The following SDR16C5 variants were observed in gnomAD, a reference collection of about 807,000 sequenced individuals.
SDR16C5 encodes the protein epidermal retinol dehydrogenase 2.
A neutral mutation model predicts 27.7 loss-of-function variants in SDR16C5; 20 were observed. The observed-to-expected ratio is 0.72, with a 90% CI of 0.51 to 1.05. SDR16C5 has a LOEUF of 1.05. Ranked by LOEUF, SDR16C5 falls within the 50% of genes least tolerant of loss-of-function variation. The pLI, the probability that SDR16C5 is intolerant of heterozygous loss-of-function variation, is 0.00. For missense variants in SDR16C5, 374 were observed against 366.3 expected (o/e 1.02, Z -0.17); for synonymous variants, 139 against 132.3 (o/e 1.05, Z -0.35).
In SDR16C5 at chr8:56,319,562, C is replaced by A. The variant is rs527876183; in HGVS notation, c.-15+497G>T. Among the ~76,000 whole-genome samples, 5 of 152,304 alleles carry A rather than the reference C, an allele frequency of 3.3e-5. No homozygotes were observed. In the East Asian group the frequency reaches 5.8e-4, roughly 18 times the overall value. On this transcript the variant is annotated intron_variant, in intron 1 of 6. Coordinates refer to ENST00000303749, the MANE Select transcript of SDR16C5 (RefSeq NM_138969.4). The stretch of plus-strand genomic sequence containing the variant: ...CCTACCCAATCCAAACAGGCGCCCT[C>A]GGCTTCCCATACCAGTGCGCGGCAG...
At chr8:56,307,805 G>A (rs368613132) in intron 4 of SDR16C5, among the ~76,000 whole-genome samples, 80 of 152,288 alleles carry the variant, frequency 5.3e-4, no homozygotes, top group African/African-American at 1.5e-3. Flanking sequence ...CTGGCACCCC[G>A]GTGGTTCTGA....
At chr8:56,313,169 GTTC>G (rs927874741) in intron 2 of SDR16C5, among the ~76,000 whole-genome samples, 1 of 152,144 alleles carries the variant, frequency 6.6e-6, no homozygotes, top group Admixed American at 6.5e-5. Flanking sequence ...AGTTAGAGCT[GTTC>G]TTCTACTCAG....
chr8:56,313,081 A>G (rs1361573418), intron 2 of SDR16C5, among the ~76,000 whole-genome samples: 2 of 152,170 alleles, frequency 1.3e-5, no homozygotes, highest in Non-Finnish European at 2.9e-5. Flanking sequence ...TGACCTCCAG[A>G]GATCAAGTTT....
At chr8:56,318,759 T>C (rs373969757) in intron 1 of SDR16C5, among the ~76,000 whole-genome samples, 1 of 152,190 alleles carries the variant, frequency 6.6e-6, no homozygotes, top group Non-Finnish European at 1.5e-5. Flanking sequence ...ACCTAAAATA[T>C]GTCCATCTTT....
Position 56,316,160 on chromosome 8 carries a change from A to G in SDR16C5, c.188T>C (p.Leu63Pro). ...ATCCCAGAGAACAAGAACAGATCCC[A>G]GCCGGGCAAACTGCAAGGCTAAGAG... is the stretch of plus-strand genomic sequence containing the variant. ...GRLLALQFAR[L>P]GSVLVLWDIN... Residue 63 changes from leucine (L) to proline (P), a missense_variant, in exon 2 of 7, where the codon CTG becomes CCG. Physicochemically the swap from Leu to Pro is moderately conservative, Grantham distance 98. Coordinates refer to ENST00000303749, the MANE Select transcript of SDR16C5 (RefSeq NM_138969.4). 6.2e-7 allele frequency: 1 copy of G among 1,614,132 alleles called. No homozygotes were observed. Among genetic ancestry groups the G allele is most frequent in the Non-Finnish European group, 8.5e-7 (1 of 1,180,006 alleles).
chr8:56,303,833 C>T, intron 6 of SDR16C5: 1 of 619,660 alleles, frequency 1.6e-6, no homozygotes, highest in Non-Finnish European at 2.9e-6. Context: ...GCAAAAAGAA[C>T]TTAGTGTGTT....
chr8:56,303,869 C>G, intron 6 of SDR16C5: 1 of 674,786 alleles, frequency 1.5e-6, no homozygotes, highest in Non-Finnish European at 2.7e-6. Flanking sequence ...GCCCAATAAA[C>G]AGTGCATTAC....
chr8:56,312,049 A>C (rs531810312), intron 3 of SDR16C5, 108 bp downstream of exon 3: 1 of 920,486 alleles, frequency 1.1e-6, no homozygotes, highest in East Asian at 2.5e-5. Context: ...CAAAACTGAG[A>C]AGTCTCTGCT....
Position 56,309,026 on chromosome 8 carries a change from G to C in SDR16C5, c.467C>G (p.Thr156Ser). 1 of 1,594,694 alleles carries C rather than the reference G, an allele frequency of 6.3e-7. No individual in the cohort carries two copies. Among genetic ancestry groups the C allele is most frequent in the African/African-American group, 1.3e-5 (1 of 74,376 alleles). The change falls in exon 4 of 7, where the codon ACT (threonine) becomes AGT (serine). Residue 156 changes from threonine to serine, a missense_variant and splice_region_variant. Physicochemically the swap from Thr to Ser is moderately conservative, Grantham distance 58. Coordinates refer to ENST00000303749, the MANE Select transcript of SDR16C5 (RefSeq NM_138969.4). ...CATAGCAGGTAGAAAGGCTTTATAA[G>C]TCTAAGAATACAAAGGAAAACTTTT... is the stretch of plus-strand genomic sequence containing the variant. The part of the protein sequence containing the change: ...FDVNFKAHLW[T>S]YKAFLPAMIA...
At chr8:56,315,350 ATGTG>A (rs1281623652) in intron 2 of SDR16C5, among the ~76,000 whole-genome samples, 1 of 152,134 alleles carries the variant, frequency 6.6e-6, no homozygotes, top group East Asian at 1.9e-4. Context: ...TGAAAGCTTT[ATGTG>A]TGTATCTGTA....
Position 56,301,422 on chromosome 8 carries a change from T to C in SDR16C5, c.*58A>G, listed in dbSNP as rs934242224. 1 of 1,194,114 alleles carries C rather than the reference T, an allele frequency of 8.4e-7. No individual in the cohort carries two copies. The highest frequency in any genetic ancestry group is 2.3e-5 in the East Asian group (1 of 42,696). 74.0% of individuals were successfully genotyped at this position (1,194,114 alleles called of 1,614,324 possible). A position where few individuals can be genotyped will look rare whatever the true frequency, so the allele number is the denominator to read the frequency against. On this transcript the variant is annotated 3_prime_UTR_variant, in exon 7 of 7. Coordinates refer to ENST00000303749, the MANE Select transcript of SDR16C5 (RefSeq NM_138969.4). Reference sequence around the variant, plus strand: ...TGTCAGACAAAAATACTTTTCTTCATTGAAGTACGCATTATGTAACACTGT... The same window carrying C: ...TGTCAGACAAAAATACTTTTCTTCACTGAAGTACGCATTATGTAACACTGT...
intron 2 of SDR16C5, among the ~76,000 whole-genome samples, chr8:56,312,598 G>A (rs925829748): frequency 5.9e-5 from 9 of 151,938 alleles, no homozygotes; most frequent in Admixed American, 1.3e-4. Context: ...CCAGCTACTC[G>A]GGAGGCTGAG....
chr8:56,319,809 C>T (rs1409710889), intron 1 of SDR16C5, among the ~76,000 whole-genome samples: 2 of 152,136 alleles, frequency 1.3e-5, no homozygotes, highest in African/African-American at 2.4e-5. Flanking sequence ...GGCAGCTCAC[C>T]CCCGGGGGCG....
chr8:56,310,731 G>A (rs113196839), intron 3 of SDR16C5, among the ~76,000 whole-genome samples: 3,906 of 33,364 alleles, frequency 0.12, 254 homozygotes, highest in African/African-American at 0.24. Context: ...AAAAAAAAAA[G>A]AAAAAGAACA....
At chr8:56,314,466 A>G (rs1037542515) in intron 2 of SDR16C5, among the ~76,000 whole-genome samples, 4 of 152,230 alleles carry the variant, frequency 2.6e-5, no homozygotes, top group Non-Finnish European at 5.9e-5. Context: ...AGTGCTTCAT[A>G]CTAGTTTATC....
At chr8:56,306,568 A>T in intron 5 of SDR16C5, 108 bp downstream of exon 5, 2 of 1,014,734 alleles carry the variant, frequency 2.0e-6, no homozygotes, top group Non-Finnish European at 2.8e-6. Context: ...TATAAATCAT[A>T]CTGAATCCCA....
intron 3 of SDR16C5, chr8:56,309,375 T>G (rs932365180): frequency 1.0e-6 from 1 of 985,322 alleles, no homozygotes; most frequent in Admixed American, 6.1e-5. Flanking sequence ...GCTTTAGATT[T>G]AGATTGCCTT....
At chr8:56,311,653 T>C (rs1181603895) in intron 3 of SDR16C5, among the ~76,000 whole-genome samples, 3 of 152,136 alleles carry the variant, frequency 2.0e-5, no homozygotes, top group Non-Finnish European at 4.4e-5. Flanking sequence ...ATTTCTCTGG[T>C]TGGGTACTAA....
At chr8:56,315,701 G>C (rs886774370) in intron 2 of SDR16C5, among the ~76,000 whole-genome samples, 1 of 152,128 alleles carries the variant, frequency 6.6e-6, no homozygotes, top group Non-Finnish European at 1.5e-5. Flanking sequence ...GTCAATAGAT[G>C]CAAGTGGCAG....
Sources: allele counts gnomAD v4.1 joint callset (sites outside exome capture counted in the v4.1 genomes callset), GRCh38; gene constraint gnomAD v4.1.1; transcripts MANE v1.5; gene names NCBI Gene and HGNC (gene_info 2026-07-23, HGNC 2026-07-21).